Variants in CEP112 observed in about 807,000 individuals in gnomAD.
The protein encoded by CEP112 is centrosomal protein 112, also known as centrosomal protein of 112 kDa.
In CEP112, 127 loss-of-function variants were observed where a neutral mutation model predicts 153.0. That is an observed-to-expected ratio of 0.83 (90% confidence interval 0.72 to 0.96). The LOEUF (loss-of-function observed/expected upper bound fraction) is 0.96, where lower values mean the gene tolerates loss of function less well. Ranked by LOEUF, CEP112 falls within the 40% of genes least tolerant of loss-of-function variation. The pLI is 0.00. For synonymous variants in CEP112, 358 were observed against 374.4 expected (o/e 0.96, Z 0.51); for missense variants, 1,089 against 1,101.2 (o/e 0.99, Z 0.16).
intron 16 of CEP112, among the ~76,000 whole-genome samples, chr17:66,016,905 T>A (rs2064799914): frequency 2.0e-5 from 3 of 152,224 alleles, no homozygotes; most frequent in Non-Finnish European, 4.4e-5. Context: ...TGGCATGGAT[T>A]TGTGTCCCTG....
chr17:65,977,003 G>T (rs747197733), intron 17 of CEP112, among the ~76,000 whole-genome samples: 4 of 152,078 alleles, frequency 2.6e-5, no homozygotes, highest in Non-Finnish European at 5.9e-5. Context: ...CTCCCAAAGT[G>T]CTGGAATTAC....
At chr17:66,089,310 C>A (rs2068052905) in intron 8 of CEP112, among the ~76,000 whole-genome samples, 1 of 152,034 alleles carries the variant, frequency 6.6e-6, no homozygotes, top group Non-Finnish European at 1.5e-5. Context: ...ATAACCCCAG[C>A]AAAAGAAAAT....
intron 21 of CEP112, among the ~76,000 whole-genome samples, chr17:65,787,886 CT>C (rs2054364188): frequency 6.6e-6 from 1 of 152,176 alleles, no homozygotes; most frequent in African/African-American, 2.4e-5. Context: ...TTGCTTCCCT[CT>C]TTCTAATTTG....
At chr17:65,679,965 A>T (rs1222738365) in intron 24 of CEP112, among the ~76,000 whole-genome samples, 1 of 152,252 alleles carries the variant, frequency 6.6e-6, no homozygotes, top group East Asian at 1.9e-4. Context: ...TTTATTCTTT[A>T]AAAACCCAGA....
chr17:65,730,766 A>AC (rs1567929768), intron 23 of CEP112, among the ~76,000 whole-genome samples: 3 of 79,216 alleles, frequency 3.8e-5, no homozygotes, highest in African/African-American at 1.5e-4. Flanking sequence ...TACAACCCCC[A>AC]CCCCCCGCCC....
intron 17 of CEP112, among the ~76,000 whole-genome samples, chr17:65,999,673 TA>T (rs2063939173): frequency 6.6e-6 from 1 of 152,090 alleles, no homozygotes; most frequent in Non-Finnish European, 1.5e-5. Flanking sequence ...ACCCAGGTAT[TA>T]AGCCTAGTAC....
chr17:66,188,169 C>T (rs62063615), intron 1 of CEP112, among the ~76,000 whole-genome samples: 32,010 of 151,768 alleles, frequency 0.21, 3,696 homozygotes, highest in Middle Eastern at 0.35. Flanking sequence ...AAAGCTAAGC[C>T]TATAGCTTCC....
intron 20 of CEP112, among the ~76,000 whole-genome samples, chr17:65,853,787 C>G (rs2058042887): frequency 6.6e-6 from 1 of 151,908 alleles, no homozygotes; most frequent in South Asian, 2.1e-4. Flanking sequence ...GAGAGGGACA[C>G]CATTAAACTC....
chr17:66,092,189 A>G (rs1311081967), intron 8 of CEP112, among the ~76,000 whole-genome samples: 1 of 151,538 alleles, frequency 6.6e-6, no homozygotes, highest in East Asian at 1.9e-4. Flanking sequence ...ACAGGTGCAC[A>G]CCACCACACC....
At chr17:65,715,833 G>C (rs572109897) in intron 23 of CEP112, among the ~76,000 whole-genome samples, 9 of 152,244 alleles carry the variant, frequency 5.9e-5, no homozygotes, top group Middle Eastern at 6.8e-3. Context: ...GTTGAATGCC[G>C]ATCAGGGGAG....
At chr17:65,693,262 C>T (rs1264461911) in intron 23 of CEP112, among the ~76,000 whole-genome samples, 7 of 152,036 alleles carry the variant, frequency 4.6e-5, no homozygotes, top group East Asian at 1.9e-4. Flanking sequence ...CTACATACCC[C>T]GTTACACCTG....
intron 21 of CEP112, among the ~76,000 whole-genome samples, chr17:65,782,237 T>C (rs745689220): frequency 2.6e-5 from 4 of 151,588 alleles, no homozygotes; most frequent in Non-Finnish European, 4.4e-5. Context: ...AACAAACATA[T>C]GAAAAAAAAT....
chr17:65,970,113 G>T (rs920086327), intron 17 of CEP112, among the ~76,000 whole-genome samples: 2 of 152,188 alleles, frequency 1.3e-5, no homozygotes, highest in African/African-American at 4.8e-5. Context: ...CATAGCACAT[G>T]CATATCGCAT....
At chr17:65,925,890 A>G (rs938034006) in intron 19 of CEP112, among the ~76,000 whole-genome samples, 1 of 152,212 alleles carries the variant, frequency 6.6e-6, no homozygotes, top group Non-Finnish European at 1.5e-5. Context: ...TCAATCCTCA[A>G]AGGACACGTG....
chr17:65,961,380 T>C, intron 18 of CEP112, 83 bp downstream of exon 18: 1 of 1,318,510 alleles, frequency 7.6e-7, no homozygotes, highest in Non-Finnish European at 1.0e-6. Context: ...AAAAGTGAAA[T>C]GTTTCTGTCA....
chr17:66,054,662 G>C (rs149757558), intron 11 of CEP112, among the ~76,000 whole-genome samples: 1 of 152,176 alleles, frequency 6.6e-6, no homozygotes, highest in Non-Finnish European at 1.5e-5. Context: ...GTACAACTCC[G>C]AGTCTAACTT....
intron 4 of CEP112, among the ~76,000 whole-genome samples, chr17:66,145,727 A>G (rs2070890728): frequency 6.6e-6 from 1 of 152,078 alleles, no homozygotes. Flanking sequence ...CTACAGCTTG[A>G]TTTTAAGCCT....
intron 4 of CEP112, among the ~76,000 whole-genome samples, chr17:66,161,511 A>G (rs1320026932): frequency 2.0e-5 from 3 of 152,202 alleles, no homozygotes; most frequent in Non-Finnish European, 1.5e-5. Flanking sequence ...CATAAAAAAA[A>G]GGATGAGTTC....
At chr17:65,654,412 C>A (rs144014303) in intron 24 of CEP112, among the ~76,000 whole-genome samples, 378 of 152,296 alleles carry the variant, frequency 2.5e-3, no homozygotes, top group African/African-American at 8.6e-3. Context: ...AAGCGTGCAG[C>A]GCAATAGGAG....
Sources: allele counts gnomAD v4.1 joint callset (sites outside exome capture counted in the v4.1 genomes callset), GRCh38; gene constraint gnomAD v4.1.1; transcripts MANE v1.5; gene names NCBI Gene and HGNC (gene_info 2026-07-23, HGNC 2026-07-21).